The following CCDC149 variants were observed in gnomAD, a reference collection of about 807,000 sequenced individuals.
The protein encoded by CCDC149 is coiled-coil domain-containing protein 149.
Under a neutral mutation model 59.9 loss-of-function variants are expected in CCDC149, and 45 were observed. The ratio of observed to expected loss-of-function variants is 0.75; its 90% CI spans 0.59 to 0.96. The LOEUF (loss-of-function observed/expected upper bound fraction) is 0.96, where lower values mean the gene tolerates loss of function less well. CCDC149 is among the 40% of genes least tolerant of loss of function. The probability of loss-of-function intolerance (pLI) is 0.00; values close to 1 mark genes in which losing one functional copy is unlikely to be tolerated. For synonymous variants in CCDC149, 245 were observed against 260.6 expected (o/e 0.94, Z 0.58); for missense variants, 584 against 664.7 (o/e 0.88, Z 1.33).
intron 12 of CCDC149, among the ~76,000 whole-genome samples, chr4:24,813,527 T>TATATATAA (rs1405803152): frequency 8.5e-4 from 78 of 91,248 alleles, no homozygotes; most frequent in Non-Finnish European, 1.4e-3. Flanking sequence ...TATATATATA[T>TATATATAA]AAAACCTAAA....
intron 2 of CCDC149, among the ~76,000 whole-genome samples, chr4:24,875,078 G>A (rs1719326322): frequency 6.6e-6 from 1 of 152,204 alleles, no homozygotes; most frequent in Admixed American, 6.5e-5. Flanking sequence ...GGAGGGCGAG[G>A]CGGGCAGATC....
chr4:24,970,087 T>G, intron 1 of CCDC149, among the ~76,000 whole-genome samples: 1 of 152,218 alleles, frequency 6.6e-6, no homozygotes, highest in East Asian at 1.9e-4. Flanking sequence ...CCTTGGTGGC[T>G]GCACTGTTAT....
chr4:24,953,448 C>T (rs1184760684), intron 1 of CCDC149, among the ~76,000 whole-genome samples: 1 of 152,180 alleles, frequency 6.6e-6, no homozygotes, highest in East Asian at 1.9e-4. Flanking sequence ...AAACAACTGC[C>T]TGTACTAGCA....
At chr4:24,976,473 G>A (rs1724200857) in intron 1 of CCDC149, among the ~76,000 whole-genome samples, 1 of 152,190 alleles carries the variant, frequency 6.6e-6, no homozygotes, top group Non-Finnish European at 1.5e-5. Context: ...AGCACTTTGG[G>A]AGGCTGAGGC....
intron 1 of CCDC149, among the ~76,000 whole-genome samples, chr4:24,954,050 G>A (rs1383504634): frequency 6.6e-6 from 1 of 152,042 alleles, no homozygotes; most frequent in Non-Finnish European, 1.5e-5. Flanking sequence ...GAACCTATAG[G>A]ACACATTGTG....
chr4:24,858,739 A>T (rs1718188017), intron 3 of CCDC149, among the ~76,000 whole-genome samples: 1 of 152,162 alleles, frequency 6.6e-6, no homozygotes, highest in African/African-American at 2.4e-5. Context: ...AGGCCCTGGA[A>T]ATTCTCTCTG....
chr4:24,867,956 G>A (rs754641609), intron 3 of CCDC149, among the ~76,000 whole-genome samples: 3 of 152,154 alleles, frequency 2.0e-5, no homozygotes, highest in African/African-American at 7.2e-5. Context: ...CATACATCTC[G>A]TGACCTCTGG....
intron 1 of CCDC149, among the ~76,000 whole-genome samples, chr4:24,970,015 A>T (rs1009504217): frequency 1.3e-5 from 2 of 152,208 alleles, no homozygotes; most frequent in African/African-American, 4.8e-5. Context: ...TGACTTTGGC[A>T]CAGATACAGG....
chr4:24,977,363 C>T (rs73250668), intron 1 of CCDC149, among the ~76,000 whole-genome samples: 47 of 152,288 alleles, frequency 3.1e-4, no homozygotes, highest in Non-Finnish European at 1.5e-4. Context: ...CAGAGCCATG[C>T]GTCAGGAAAT....
chr4:24,931,310 AATATATATATAT>A (rs71187200), intron 1 of CCDC149, among the ~76,000 whole-genome samples: 3 of 138,266 alleles, frequency 2.2e-5, no homozygotes, highest in South Asian at 2.2e-4. Flanking sequence ...TTTATTTTAA[AATATATATATAT>A]ATATATATAT....
At chr4:24,902,644 C>T (rs562924399) in intron 1 of CCDC149, among the ~76,000 whole-genome samples, 17 of 152,298 alleles carry the variant, frequency 1.1e-4, no homozygotes, top group Admixed American at 9.2e-4. Context: ...TCCATCAAGC[C>T]TCACCAACTG....
At chr4:24,971,589 C>G (rs1286295967) in intron 1 of CCDC149, among the ~76,000 whole-genome samples, 1 of 152,192 alleles carries the variant, frequency 6.6e-6, no homozygotes, top group African/African-American at 2.4e-5. Context: ...CGCTCCTGCC[C>G]AGGGAGAGAG....
intron 4 of CCDC149, among the ~76,000 whole-genome samples, chr4:24,838,989 T>C (rs1716735368): frequency 7.5e-6 from 1 of 132,680 alleles, no homozygotes; most frequent in Non-Finnish European, 1.6e-5. Flanking sequence ...ATGACTAAAA[T>C]TATACTAAGA....
At position 24,831,546 on chromosome 4, in the gene CCDC149, C is replaced by A. The variant is rs373349235; in HGVS notation, c.925G>T (p.Glu309Ter). 6.2e-7 allele frequency: 1 copy of A among 1,614,050 alleles called. No homozygotes were observed. Among genetic ancestry groups the A allele is most frequent in the Non-Finnish European group, 8.5e-7 (1 of 1,180,014 alleles). The change falls in exon 9 of 13, where the codon GAG (glutamate) becomes TAG (stop). Residue 309 changes from glutamate to a stop codon, truncating the protein, a stop_gained. Transcript: ENST00000635206. LOFTEE classifies it high-confidence loss of function. ...TGGTGCTGAATGACCATGTTTTTCT[C>A]GTGGATTGTTTCCAACAGGGCTGTT...
At chr4:24,880,849 A>C (rs1448481396) in intron 1 of CCDC149, among the ~76,000 whole-genome samples, 4 of 152,218 alleles carry the variant, frequency 2.6e-5, no homozygotes, top group Non-Finnish European at 4.4e-5. Flanking sequence ...AAGGACCAAA[A>C]GAACGCACAC....
At chr4:24,979,724 G>A (rs1724387898) in intron 1 of CCDC149, among the ~76,000 whole-genome samples, 1 of 152,174 alleles carries the variant, frequency 6.6e-6, no homozygotes, top group Non-Finnish European at 1.5e-5. Flanking sequence ...AAAAGGAGGA[G>A]TTGCATGGGA....
chr4:24,970,683 G>C (rs1560273432), intron 1 of CCDC149, among the ~76,000 whole-genome samples: 1 of 152,168 alleles, frequency 6.6e-6, no homozygotes, highest in Non-Finnish European at 1.5e-5. Flanking sequence ...CTATGGGTCT[G>C]TAGTGACACA....
intron 2 of CCDC149, among the ~76,000 whole-genome samples, chr4:24,876,170 GT>G (rs1719410021): frequency 6.6e-6 from 1 of 152,050 alleles, no homozygotes; most frequent in Non-Finnish European, 1.5e-5. Context: ...CCTACTATCT[GT>G]GGTTTCAGGC....
At chr4:24,863,795 T>C (rs1200090417) in intron 3 of CCDC149, among the ~76,000 whole-genome samples, 1 of 152,236 alleles carries the variant, frequency 6.6e-6, no homozygotes, top group Admixed American at 6.5e-5. Flanking sequence ...TTCCTTTCCT[T>C]CTTTGTTCTT....
Sources: allele counts gnomAD v4.1 joint callset (sites outside exome capture counted in the v4.1 genomes callset), GRCh38; gene constraint gnomAD v4.1.1; transcripts MANE v1.5; gene names NCBI Gene and HGNC (gene_info 2026-07-23, HGNC 2026-07-21).